WWC2: variants seen among roughly 807,000 people sequenced by gnomAD.
WWC2 encodes protein WWC2.
Under a neutral mutation model 138.5 loss-of-function variants are expected in WWC2, and 101 were observed. That is an observed-to-expected ratio of 0.73 (90% CI 0.62 to 0.86). The LOEUF (loss-of-function observed/expected upper bound fraction) is 0.86, where lower values mean the gene tolerates loss of function less well. Ranked by LOEUF, WWC2 falls within the 40% of genes least tolerant of loss-of-function variation. WWC2 has a pLI of 0.00. For missense variants in WWC2, 1,420 were observed against 1,419.4 expected, an observed-to-expected ratio of 1.00 and a Z score of -0.01; for synonymous variants, 558 against 538.4, an observed-to-expected ratio of 1.04 and a Z score of -0.50.
intron 1 of WWC2, among the ~76,000 whole-genome samples, chr4:183,164,572 A>G (rs766477438): frequency 3.3e-5 from 5 of 151,970 alleles, no homozygotes; most frequent in South Asian, 2.1e-4. Flanking sequence ...CTCTTTAGAC[A>G]GTTCACACTG....
At position 183,282,781 on chromosome 4, in the gene WWC2, A is replaced by C; in HGVS notation, c.2758A>C (p.Ser920Arg). 1.3e-6 allele frequency: 2 copies of C among 1,582,708 alleles called. No individual in the cohort carries two copies. Among genetic ancestry groups the C allele is most frequent in the South Asian group, 1.2e-5 (1 of 86,212 alleles). Reference protein sequence around the residue: ...KEAEVKLPEDSSCTEDLSSCT... With the variant: ...KEAEVKLPEDRSCTEDLSSCT... ...GGCTGAAGTTAAATTGCCAGAGGAC[A>C]GTAGCTGTACAGAAGATTTAAGTTC... Residue 920 changes from serine (S) to arginine (R), a missense_variant, in exon 18 of 23, where the codon AGT (serine) becomes CGT (arginine). Physicochemically the swap from Ser to Arg is moderately radical, Grantham distance 110. Transcript: ENST00000403733.
chr4:183,154,716 A>G (rs1733744632), intron 1 of WWC2, among the ~76,000 whole-genome samples: 2 of 152,172 alleles, frequency 1.3e-5, no homozygotes, highest in African/African-American at 4.8e-5. Flanking sequence ...TTATTTGCTA[A>G]CCTTCACCCT....
At position 183,282,812 on chromosome 4, in the gene WWC2, C is replaced by G. The variant is rs376069435; in HGVS notation, c.2789C>G (p.Thr930Ser). ...TGTACAGAAGATTTAAGTTCATGCACTAGTGTGCCTGAGATGAATGAAGAC... is the reference window on the plus strand; with the variant it reads ...TGTACAGAAGATTTAAGTTCATGCAGTAGTGTGCCTGAGATGAATGAAGAC... Reference protein sequence around the residue: ...SSCTEDLSSCTSVPEMNEDGN... With the variant: ...SSCTEDLSSCSSVPEMNEDGN... The change falls in exon 18 of 23, where the codon ACT (threonine) becomes AGT (serine). Residue 930 changes from threonine to serine, a missense_variant. Transcript: ENST00000403733. 15 of 1,588,642 alleles carry G rather than the reference C, an allele frequency of 9.4e-6. No homozygotes were observed. Among genetic ancestry groups the G allele is most frequent in the Non-Finnish European group, 1.3e-5 (15 of 1,167,056 alleles).
At chr4:183,273,673 A>G (rs1270591774) in intron 16 of WWC2, among the ~76,000 whole-genome samples, 1 of 152,208 alleles carries the variant, frequency 6.6e-6, no homozygotes, top group Non-Finnish European at 1.5e-5. Flanking sequence ...TATCAGATAA[A>G]TAATTTGCAG....
At chr4:183,258,717 C>T (rs889193570) in intron 9 of WWC2, among the ~76,000 whole-genome samples, 3 of 152,100 alleles carry the variant, frequency 2.0e-5, no homozygotes, top group Non-Finnish European at 2.9e-5. Context: ...AAAGTAAGAC[C>T]CTTGATTCAG....
rs778653064 is a variant in WWC2 at position 183,099,514 on chromosome 4, G to T, written c.23G>T (p.Gly8Val). 7.2e-7 allele frequency: 1 copy of T among 1,390,346 alleles called. No homozygotes were observed. The highest frequency in any genetic ancestry group is 1.6e-5 in the South Asian group (1 of 64,292). The allele number at this position is 1,390,346 out of a possible 1,614,324, so 86.1% of individuals were successfully genotyped here. A position where few individuals can be genotyped will look rare whatever the true frequency, so the allele number is the denominator to read the frequency against. MPRRAGS[G>V]QLPLPRGWEE... ...ACCATGCCTAGGAGGGCCGGGAGCG[G>T]TCAGCTGCCGCTGCCCCGGGGCTGG... Residue 8 changes from glycine to valine, a missense_variant, in exon 1 of 23, where the codon GGT (glycine) becomes GTT (valine). Physicochemically the swap from Gly to Val is moderately radical, Grantham distance 109 (BLOSUM62 -3). Transcript: ENST00000403733.
At chr4:183,185,727 GAT>G (rs1491572204) in intron 1 of WWC2, among the ~76,000 whole-genome samples, 1 of 152,156 alleles carries the variant, frequency 6.6e-6, no homozygotes, top group African/African-American at 2.4e-5. Flanking sequence ...TGACTGGAGA[GAT>G]GTGTGTGTGT....
chr4:183,106,100 C>T (rs184430115), intron 1 of WWC2, among the ~76,000 whole-genome samples: 29 of 151,976 alleles, frequency 1.9e-4, no homozygotes, highest in Admixed American at 1.8e-3. Context: ...AATTCTGCCT[C>T]AGCCTCCCGA....
chr4:183,161,460 G>A (rs1367764412), intron 1 of WWC2, among the ~76,000 whole-genome samples: 1 of 152,218 alleles, frequency 6.6e-6, no homozygotes, highest in African/African-American at 2.4e-5. Context: ...GGAAGTAACA[G>A]TGAGTAATGT....
chr4:183,115,672 G>A (rs934402700), intron 1 of WWC2, among the ~76,000 whole-genome samples: 3 of 152,014 alleles, frequency 2.0e-5, no homozygotes, highest in African/African-American at 4.8e-5. Context: ...GTTCGTGTCC[G>A]TTGCTCATTT....
intron 9 of WWC2, among the ~76,000 whole-genome samples, chr4:183,257,978 G>A (rs973413871): frequency 3.3e-5 from 5 of 152,198 alleles, no homozygotes; most frequent in African/African-American, 4.8e-5. Context: ...AGCAGCTGCC[G>A]AGCATCACCT....
chr4:183,115,679 A>G (rs1732387189), intron 1 of WWC2, among the ~76,000 whole-genome samples: 1 of 151,918 alleles, frequency 6.6e-6, no homozygotes, highest in Non-Finnish European at 1.5e-5. Context: ...TCCGTTGCTC[A>G]TTTTTTATGG....
intron 1 of WWC2, among the ~76,000 whole-genome samples, chr4:183,112,594 A>C (rs1045781256): frequency 1.1e-4 from 16 of 152,240 alleles, no homozygotes; most frequent in African/African-American, 3.9e-4. Flanking sequence ...GAAACACTAT[A>C]TGCCTAGCAC....
intron 6 of WWC2, among the ~76,000 whole-genome samples, chr4:183,246,725 A>G (rs1223209921): frequency 1.3e-5 from 2 of 152,244 alleles, no homozygotes; most frequent in Admixed American, 6.5e-5. Flanking sequence ...TAGCAAGACT[A>G]TGGTTCAAAC....
At chr4:183,215,162 A>C (rs944196087) in intron 4 of WWC2, among the ~76,000 whole-genome samples, 2 of 152,250 alleles carry the variant, frequency 1.3e-5, no homozygotes, top group Non-Finnish European at 2.9e-5. Flanking sequence ...TAAATTAGAC[A>C]TAGTAAGGGA....
chr4:183,161,075 A>G (rs1198763549), intron 1 of WWC2, among the ~76,000 whole-genome samples: 3 of 152,126 alleles, frequency 2.0e-5, no homozygotes, highest in Non-Finnish European at 4.4e-5. Flanking sequence ...TCAGCCAGTC[A>G]TTTGGCATGC....
chr4:183,124,592 G>T (rs552707348), intron 1 of WWC2, among the ~76,000 whole-genome samples: 13 of 132,670 alleles, frequency 9.8e-5, no homozygotes, highest in African/African-American at 3.5e-4. Flanking sequence ...CCAGCTTGCA[G>T]ATCTTTTTTT....
chr4:183,297,099 TGAG>T (rs1738657208), intron 21 of WWC2, among the ~76,000 whole-genome samples: 1 of 152,054 alleles, frequency 6.6e-6, no homozygotes, highest in Admixed American at 6.6e-5. Context: ...CTCAGTTTCC[TGAG>T]TAGCTGGGAC....
At chr4:183,311,913 TAAAC>T (rs1479927819) in intron 21 of WWC2, among the ~76,000 whole-genome samples, 3 of 152,054 alleles carry the variant, frequency 2.0e-5, no homozygotes, top group Non-Finnish European at 4.4e-5. Flanking sequence ...CTACGTTAAA[TAAAC>T]AGCTTTTTAA....
Sources: gnomAD v4.1 joint callset for allele counts (sites outside exome capture counted in the v4.1 genomes callset) on GRCh38, gnomAD v4.1.1 for gene constraint, MANE v1.5 for transcripts, NCBI Gene and HGNC (gene_info 2026-07-23, HGNC 2026-07-21) for gene names.